LINGO2: variants seen among roughly 807,000 people sequenced by gnomAD.
LINGO2 encodes the protein leucine rich repeat and Ig domain containing 2.
A neutral mutation model predicts 30.6 loss-of-function variants in LINGO2; 14 were observed. The observed-to-expected ratio is 0.46, with a 90% CI of 0.30 to 0.72. The LOEUF (loss-of-function observed/expected upper bound fraction) is 0.72, where lower values mean the gene tolerates loss of function less well. Ranked by LOEUF, LINGO2 falls within the 30% of genes least tolerant of loss-of-function variation. The pLI is 0.07. For missense variants in LINGO2, 729 were observed against 751.7 expected (o/e 0.97, Z 0.35); for synonymous variants, 317 against 288.5 (o/e 1.10, Z -1.00).
chr9:28,730,181 A>T, the LINGO2 span, among the ~76,000 whole-genome samples: 1 of 152,296 alleles, frequency 6.6e-6, no homozygotes, highest in South Asian at 2.1e-4. Context: ...AGGGCAATAA[A>T]GGGAATAGCC....
chr9:28,612,622 G>C (rs1337086536), intron 1 of LINGO2, among the ~76,000 whole-genome samples: 1 of 152,254 alleles, frequency 6.6e-6, no homozygotes, highest in Non-Finnish European at 1.5e-5. Flanking sequence ...TTTGGAATGG[G>C]TGTATTTATG....
At chr9:28,796,112 C>A in the LINGO2 span, among the ~76,000 whole-genome samples, 2 of 150,002 alleles carry the variant, frequency 1.3e-5, no homozygotes, top group East Asian at 2.0e-4. Context: ...TAAAACTGAA[C>A]CTTAAAACCC....
At chr9:27,945,657 G>A (rs924410721), downstream of LINGO2, among the ~76,000 whole-genome samples, 18 of 152,274 alleles carry the variant, frequency 1.2e-4, no homozygotes, top group African/African-American at 4.1e-4. Context: ...GGTATGAGCT[G>A]TTATGCTCTA....
chr9:28,040,740 G>A (rs1824163775), intron 4 of LINGO2, among the ~76,000 whole-genome samples: 1 of 149,178 alleles, frequency 6.7e-6, no homozygotes, highest in African/African-American at 2.5e-5. Flanking sequence ...TACTGATAAG[G>A]AAACAGACTC....
chr9:29,006,368 T>C, the LINGO2 span, among the ~76,000 whole-genome samples: 2 of 151,932 alleles, frequency 1.3e-5, no homozygotes, highest in East Asian at 3.9e-4. Flanking sequence ...TGTTATTATT[T>C]TCAAACTAAA....
At chr9:29,117,237 G>A in the LINGO2 span, among the ~76,000 whole-genome samples, 3 of 152,078 alleles carry the variant, frequency 2.0e-5, no homozygotes, top group Non-Finnish European at 4.4e-5. Flanking sequence ...GATAGGGCAG[G>A]GAAAAACCTA....
chr9:29,121,288 G>T, the LINGO2 span, among the ~76,000 whole-genome samples: 1 of 152,092 alleles, frequency 6.6e-6, no homozygotes, highest in Non-Finnish European at 1.5e-5. Context: ...TTTGTATACT[G>T]TCAAAATTAT....
chr9:28,391,042 T>G (rs1587601026), intron 2 of LINGO2, among the ~76,000 whole-genome samples: 2 of 152,352 alleles, frequency 1.3e-5, no homozygotes, highest in South Asian at 2.1e-4. Context: ...CCATTAAAAC[T>G]TAGATGTGGG....
the LINGO2 span, among the ~76,000 whole-genome samples, chr9:29,187,780 A>ATTTTTTTTTTT: frequency 1.5e-4 from 18 of 118,820 alleles, no homozygotes; most frequent in Non-Finnish European, 2.6e-4. Flanking sequence ...ATACATTTCA[A>ATTTTTTTTTTT]TTTTTTTTTT....
At position 28,038,999 on chromosome 9, in the gene LINGO2, A is replaced by ACAAT. The variant is rs766997981; in HGVS notation, c.-86-26595_-86-26594insATTG. Among the ~76,000 whole-genome samples, 503 of 152,302 alleles carry ACAAT rather than the reference A, an allele frequency of 3.3e-3. 2 individuals carry two copies. Among genetic ancestry groups the ACAAT allele is most frequent in the Non-Finnish European group, 5.5e-3 (376 of 68,024 alleles). On this transcript the variant is annotated intron_variant, in intron 4 of 5. Transcript: ENST00000379992. ...CTACAATTCTTTTTGATTGTGTAGC[A>ACAAT]CGAAATCTTAAAGGAGTTTGGCAAG...
chr9:28,189,597 A>AAGGG (rs370122122), intron 4 of LINGO2, among the ~76,000 whole-genome samples: 1 of 5,592 alleles, frequency 1.8e-4, no homozygotes, highest in African/African-American at 7.1e-4. Context: ...GGAAGGAAGG[A>AAGGG]AGGGAGGAAG....
chr9:28,350,807 C>T (rs1175940993), intron 3 of LINGO2, among the ~76,000 whole-genome samples: 1 of 151,168 alleles, frequency 6.6e-6, no homozygotes, highest in Non-Finnish European at 1.5e-5. Flanking sequence ...ATCTCTCAGA[C>T]CACAGTGCAA....
chr9:28,262,380 G>A (rs1003090736), intron 4 of LINGO2, among the ~76,000 whole-genome samples: 1 of 151,842 alleles, frequency 6.6e-6, no homozygotes, highest in African/African-American at 2.4e-5. Flanking sequence ...AGAGAAATGA[G>A]TCAGAATGGA....
At chr9:27,940,614 T>A in the LINGO2 span, 1 of 152,180 alleles carries the variant, frequency 6.6e-6, no homozygotes, top group Non-Finnish European at 1.5e-5. Context: ...CGGTAGAAAC[T>A]CCTAATTTTT....
intron 4 of LINGO2, among the ~76,000 whole-genome samples, chr9:28,021,427 G>GAATGCTCCA (rs960882058): frequency 1.3e-5 from 2 of 152,082 alleles, no homozygotes; most frequent in African/African-American, 4.8e-5. Context: ...CTATTTTGGT[G>GAATGCTCCA]AATGCTCCAC....
chr9:28,998,753 G>A, the LINGO2 span, among the ~76,000 whole-genome samples: 1 of 151,938 alleles, frequency 6.6e-6, no homozygotes, highest in South Asian at 2.1e-4. Context: ...ACAGTTAAAG[G>A]CCTCTTAGTT....
the LINGO2 span, among the ~76,000 whole-genome samples, chr9:28,781,483 T>C: frequency 6.6e-6 from 1 of 152,126 alleles, no homozygotes; most frequent in African/African-American, 2.4e-5. Context: ...CAAAACAAAA[T>C]CATTAATTTT....
intron 2 of LINGO2, among the ~76,000 whole-genome samples, chr9:28,459,281 A>C (rs921265053): frequency 1.3e-5 from 2 of 152,010 alleles, no homozygotes; most frequent in Non-Finnish European, 2.9e-5. Context: ...AAAAAAAAAA[A>C]AACTATGCAC....
intron 4 of LINGO2, among the ~76,000 whole-genome samples, chr9:28,156,563 T>A (rs1828136059): frequency 6.6e-6 from 1 of 152,222 alleles, no homozygotes; most frequent in Admixed American, 6.5e-5. Context: ...ATGGAAACAA[T>A]AATTGATGTA....
Sources: allele counts gnomAD v4.1 joint callset (sites outside exome capture counted in the v4.1 genomes callset), GRCh38; gene constraint gnomAD v4.1.1; transcripts MANE v1.5; gene names NCBI Gene and HGNC (gene_info 2026-07-23, HGNC 2026-07-21).